The following ZFPM2 variants were observed in gnomAD, a reference collection of about 807,000 sequenced individuals.
ZFPM2 encodes the protein zinc finger protein ZFPM2.
ZFPM2 carries 20 observed loss-of-function variants against 98.6 expected under a neutral mutation model. The observed-to-expected ratio is 0.20, with a 90% CI of 0.14 to 0.29. The LOEUF (loss-of-function observed/expected upper bound fraction) is 0.29, where lower values mean the gene tolerates loss of function less well. ZFPM2 is among the 10% of genes least tolerant of loss of function. The pLI is 1.00. For synonymous variants in ZFPM2, 518 were observed against 502.7 expected (o/e 1.03, Z -0.41); for missense variants, 1,310 against 1,388.6 (o/e 0.94, Z 0.90).
chr8:105,802,506 T>C lies in ZFPM2; in HGVS notation c.2424T>C (p.Cys808=). 6.2e-7 allele frequency: 1 copy of C among 1,612,392 alleles called. No individual in the cohort carries two copies. Among genetic ancestry groups the C allele is most frequent in the Non-Finnish European group, 8.5e-7 (1 of 1,179,178 alleles). Residue 808 remains cysteine, a synonymous_variant, in exon 8 of 8, where the codon TGT becomes TGC. Coordinates refer to ENST00000407775, the MANE Select transcript of ZFPM2 (RefSeq NM_012082.4). ...HLETSLTINK[C]VPVSKCDTTH... ...AAACTTCTCTGACGATCAACAAGTGTGTTCCAGTTTCCAAATGTGATACTA... is the reference window on the plus strand; with the variant it reads ...AAACTTCTCTGACGATCAACAAGTGCGTTCCAGTTTCCAAATGTGATACTA...
At chr8:105,621,568 A>C (rs1213089945) in intron 4 of ZFPM2, among the ~76,000 whole-genome samples, 1 of 152,172 alleles carries the variant, frequency 6.6e-6, no homozygotes, top group Non-Finnish European at 1.5e-5. Flanking sequence ...ACTATGTTGA[A>C]TATGTGTGTT....
At chr8:105,714,219 G>A (rs1486981247) in intron 5 of ZFPM2, among the ~76,000 whole-genome samples, 4 of 151,694 alleles carry the variant, frequency 2.6e-5, no homozygotes, top group African/African-American at 7.3e-5. Flanking sequence ...GAGGGACAGG[G>A]GGTTGCAATT....
At chr8:105,741,597 T>C (rs988004460) in intron 5 of ZFPM2, among the ~76,000 whole-genome samples, 1 of 152,024 alleles carries the variant, frequency 6.6e-6, no homozygotes, top group African/African-American at 2.4e-5. Context: ...TTTGTGTTGA[T>C]GTGGGAGTGG....
At chr8:105,790,096 C>T (rs1007285543) in intron 6 of ZFPM2, among the ~76,000 whole-genome samples, 1 of 151,296 alleles carries the variant, frequency 6.6e-6, no homozygotes, top group East Asian at 1.9e-4. Context: ...TTAATTAGAT[C>T]CCATTTGTCA....
In ZFPM2 at chr8:105,791,260, G is replaced by A. The variant is rs1022863961; in HGVS notation, c.739+2336G>A. Among the ~76,000 whole-genome samples the A allele has an allele frequency of 1.7e-4, 26 of 152,034 alleles. No homozygotes were observed. The South Asian group carries it at 1.9e-3, about 11-fold the overall frequency. ...GATAGCTCTTATTATTTTGAGATACGTCCCATCAATACCTAATTTATTGAG... is the reference window on the plus strand; with the variant it reads ...GATAGCTCTTATTATTTTGAGATACATCCCATCAATACCTAATTTATTGAG... On this transcript the variant is annotated intron_variant, in intron 6 of 7. Coordinates refer to ENST00000407775, the MANE Select transcript of ZFPM2 (RefSeq NM_012082.4).
chr8:105,592,981 A>G (rs1419749246), intron 4 of ZFPM2, among the ~76,000 whole-genome samples: 1 of 152,152 alleles, frequency 6.6e-6, no homozygotes, highest in Non-Finnish European at 1.5e-5. Context: ...GCAAGTTTGC[A>G]TATTTTTGTT....
intron 3 of ZFPM2, among the ~76,000 whole-genome samples, chr8:105,494,930 A>T (rs1202501434): frequency 6.6e-6 from 1 of 152,254 alleles, no homozygotes; most frequent in Non-Finnish European, 1.5e-5. Flanking sequence ...ATGAAATTCA[A>T]AACTTTATTT....
chr8:105,362,590 G>A (rs1000762895), intron 1 of ZFPM2, among the ~76,000 whole-genome samples: 3 of 151,980 alleles, frequency 2.0e-5, no homozygotes, highest in African/African-American at 7.2e-5. Context: ...CTCAAGTGCC[G>A]ATTTATATCA....
intron 5 of ZFPM2, among the ~76,000 whole-genome samples, chr8:105,679,406 G>C: frequency 6.6e-6 from 1 of 152,054 alleles, no homozygotes; most frequent in Non-Finnish European, 1.5e-5. Flanking sequence ...AAGCATTTGA[G>C]TTTGTCACCT....
At chr8:105,719,271 T>A (rs1811598815) in intron 5 of ZFPM2, among the ~76,000 whole-genome samples, 1 of 151,966 alleles carries the variant, frequency 6.6e-6, no homozygotes, top group South Asian at 2.1e-4. Flanking sequence ...GGTATAAATG[T>A]GCTATGTTAA....
chr8:105,369,121 G>C (rs958525586), intron 1 of ZFPM2, among the ~76,000 whole-genome samples: 1 of 152,072 alleles, frequency 6.6e-6, no homozygotes, highest in Non-Finnish European at 1.5e-5. Flanking sequence ...GTTATTTCTA[G>C]ATAACTTTGC....
intron 5 of ZFPM2, among the ~76,000 whole-genome samples, chr8:105,679,812 AAG>A (rs1491031671): frequency 1.3e-4 from 20 of 151,724 alleles, no homozygotes; most frequent in Admixed American, 1.2e-3. Context: ...AAAAAAAAAA[AAG>A]AAAGCAATAT....
intron 5 of ZFPM2, among the ~76,000 whole-genome samples, chr8:105,703,572 C>T (rs1476908707): frequency 1.3e-5 from 2 of 151,998 alleles, no homozygotes; most frequent in African/African-American, 2.4e-5. Flanking sequence ...CAGTGTTATG[C>T]AGCATGAGAA....
chr8:105,456,362 A>G (rs1417736143), intron 3 of ZFPM2, among the ~76,000 whole-genome samples: 1 of 151,948 alleles, frequency 6.6e-6, no homozygotes, highest in Non-Finnish European at 1.5e-5. Context: ...AGCACATGGA[A>G]TCAGCTGTAG....
intron 5 of ZFPM2, among the ~76,000 whole-genome samples, chr8:105,643,897 C>A (rs186994660): frequency 1.3e-5 from 2 of 152,202 alleles, no homozygotes; most frequent in Admixed American, 1.3e-4. Flanking sequence ...AGAGCCAAAT[C>A]TGACCCATGA....
chr8:105,588,783 G>A (rs188572988), intron 4 of ZFPM2, among the ~76,000 whole-genome samples: 4 of 152,280 alleles, frequency 2.6e-5, no homozygotes, highest in Admixed American at 2.0e-4. Flanking sequence ...CTCCTCACAG[G>A]CAGGATGCCA....
At chr8:105,466,317 G>A (rs1247339706) in intron 3 of ZFPM2, among the ~76,000 whole-genome samples, 2 of 151,820 alleles carry the variant, frequency 1.3e-5, no homozygotes, top group South Asian at 2.1e-4. Context: ...AGAAATTATA[G>A]GATTAAACTA....
At chr8:105,769,253 C>G (rs541986643) in intron 5 of ZFPM2, among the ~76,000 whole-genome samples, 33 of 151,984 alleles carry the variant, frequency 2.2e-4, no homozygotes, top group Admixed American at 3.9e-4. Context: ...AAAAGTAGAC[C>G]TCTTGCATTT....
intron 3 of ZFPM2, among the ~76,000 whole-genome samples, chr8:105,458,855 T>A (rs1435361869): frequency 3.2e-5 from 4 of 124,444 alleles, no homozygotes; most frequent in South Asian, 2.2e-4. Flanking sequence ...TAGAGAATAT[T>A]TTTTTTTTTA....
Sources: gnomAD v4.1 joint callset for allele counts (sites outside exome capture counted in the v4.1 genomes callset) on GRCh38, gnomAD v4.1.1 for gene constraint, MANE v1.5 for transcripts, NCBI Gene and HGNC (gene_info 2026-07-23, HGNC 2026-07-21) for gene names.